Variants in CSRNP2 observed in about 807,000 individuals in gnomAD.
CSRNP2 encodes the protein cysteine/serine-rich nuclear protein 2.
Under a neutral mutation model 36.6 loss-of-function variants are expected in CSRNP2, and 11 were observed. That is an observed-to-expected ratio of 0.30 (90% CI 0.19 to 0.50). The LOEUF (loss-of-function observed/expected upper bound fraction) is 0.50. Among genes scored for constraint, CSRNP2 ranks in the 20% least tolerant of loss-of-function variants. The probability of loss-of-function intolerance (pLI) is 0.98; values close to 1 mark genes in which losing one functional copy is unlikely to be tolerated. For missense variants in CSRNP2, 483 were observed against 691.4 expected, an observed-to-expected ratio of 0.70 and a Z score of 3.38; for synonymous variants, 248 against 275.3, an observed-to-expected ratio of 0.90 and a Z score of 0.98.
At position 51,063,664 on chromosome 12, in the gene CSRNP2, C is replaced by G; in HGVS notation, c.*82G>C. 8.2e-6 allele frequency: 9 copies of G among 1,098,400 alleles called. No individual in the cohort carries two copies. Among genetic ancestry groups the G allele is most frequent in the Non-Finnish European group, 1.1e-5 (9 of 791,554 alleles). 68.0% of individuals were successfully genotyped at this position (1,098,400 alleles called of 1,614,324 possible). A position where few individuals can be genotyped will look rare whatever the true frequency, so the allele number is the denominator to read the frequency against. On this transcript the variant is annotated 3_prime_UTR_variant, in exon 5 of 5. Coordinates refer to ENST00000228515, the MANE Select transcript of CSRNP2 (RefSeq NM_030809.3). ...AATAACATGGGAGCAGCAGCTGCTT[C>G]TACAGTTTTGTTTTGAAATGGTGTT...
chr12:51,068,308 G>C (rs1348450813), intron 3 of CSRNP2, among the ~76,000 whole-genome samples: 1 of 152,096 alleles, frequency 6.6e-6, no homozygotes, highest in Non-Finnish European at 1.5e-5. Flanking sequence ...TGAGTCACCA[G>C]CCTGGCTAAT....
chr12:51,080,980 C>G (rs1294920939), intron 1 of CSRNP2, among the ~76,000 whole-genome samples: 1 of 152,130 alleles, frequency 6.6e-6, no homozygotes, highest in African/African-American at 2.4e-5. Context: ...CATAGCAAGA[C>G]CCTGTCTCTG....
rs1315787683 is a variant in CSRNP2 at position 51,073,871 on chromosome 12, A to C, written c.363T>G (p.Ile121Met). ...TCTCTTCCTTCAGGTGCTCACGCAG[A>C]ATCTCTCGATGGTTCACCTCCTGTT... ...AQEQEVNHREILREHLKEEKL... is the reference protein window; with the variant it reads ...AQEQEVNHREMLREHLKEEKL... Residue 121 changes from isoleucine to methionine, a missense_variant, in exon 3 of 5, where the codon ATT becomes ATG. Physicochemically the swap from Ile to Met is conservative, Grantham distance 10 (BLOSUM62 1). This residue lies in a region of CSRNP2 where 206 missense variants were observed against 367.8 expected (regional missense o/e 0.56). Coordinates refer to ENST00000228515, the MANE Select transcript of CSRNP2 (RefSeq NM_030809.3). The C allele has an allele frequency of 6.2e-7, 1 of 1,614,146 alleles. No individual in the cohort carries two copies. Among genetic ancestry groups the C allele is most frequent in the East Asian group, 2.2e-5 (1 of 44,874 alleles).
intron 3 of CSRNP2, among the ~76,000 whole-genome samples, 157 bp downstream of exon 3, chr12:51,073,666 C>T (rs114776573): frequency 0.026 from 3,819 of 147,564 alleles, 170 homozygotes; most frequent in African/African-American, 0.09. Context: ...GCCGAGGTTG[C>T]AGTGAGCTAA....
chr12:51,082,479 A>G (rs1372507682), intron 1 of CSRNP2: 1 of 152,226 alleles, frequency 6.6e-6, no homozygotes, highest in Non-Finnish European at 1.5e-5. Context: ...GATTTGCAAG[A>G]CAGAAAGCCA....
Position 51,067,557 on chromosome 12 carries a change from G to GTTCCACA in CSRNP2, c.708+115_708+116insTGTGGAA, listed in dbSNP as rs1272116506. 3 of 945,574 alleles carry GTTCCACA rather than the reference G, an allele frequency of 3.2e-6. No individual in the cohort carries two copies. Among genetic ancestry groups the GTTCCACA allele is most frequent in the Non-Finnish European group, 4.8e-6 (3 of 621,794 alleles). The allele number at this position is 945,574 out of a possible 1,614,324, so 58.6% of individuals were successfully genotyped here. A position where few individuals can be genotyped will look rare whatever the true frequency, so the allele number is the denominator to read the frequency against. ...CGGAGGAGGGTTGTGGAACTGGAGAGTGTTCACAACCATAGGGAATCCACC... is the reference window on the plus strand; with the variant it reads ...CGGAGGAGGGTTGTGGAACTGGAGAGTTCCACATGTTCACAACCATAGGGAATCCACC... On this transcript the variant is annotated intron_variant, in intron 4 of 4. Transcript: ENST00000228515. The surrounding 1 kb of genome is among the most constrained non-coding windows in gnomAD (Gnocchi z 4.1).
chr12:51,077,178 C>T (rs112471035), intron 1 of CSRNP2, among the ~76,000 whole-genome samples: 7 of 152,234 alleles, frequency 4.6e-5, no homozygotes, highest in South Asian at 2.1e-4. Flanking sequence ...CACCTGGGCT[C>T]GAGCAATCCT....
chr12:51,067,662 C>G lies in CSRNP2; in HGVS notation c.708+11G>C. ...GTGTAGATATACTATCTCAGGCCAACTTGGACTGACCTGGCATTTAATCCC... is the reference window on the plus strand; with the variant it reads ...GTGTAGATATACTATCTCAGGCCAAGTTGGACTGACCTGGCATTTAATCCC... On this transcript the variant is annotated intron_variant, in intron 4 of 4. Transcript: ENST00000228515. This position sits in a 1 kb window ranked among gnomAD's most constrained non-coding sequence, Gnocchi z 4.1. 6.2e-7 allele frequency: 1 copy of G among 1,611,154 alleles called. No individual in the cohort carries two copies. The highest frequency in any genetic ancestry group is 8.5e-7 in the Non-Finnish European group (1 of 1,178,100).
In CSRNP2 at chr12:51,067,134, C is replaced by T. The variant is rs79561347; in HGVS notation, c.708+539G>A. Among the ~76,000 whole-genome samples, 6,951 of 151,722 alleles carry T rather than the reference C, an allele frequency of 0.046. 333 individuals carry two copies. Among genetic ancestry groups the T allele is most frequent in the African/African-American group, 0.13 (5,196 of 41,366 alleles). On this transcript the variant is annotated intron_variant, in intron 4 of 4. Coordinates refer to ENST00000228515, the MANE Select transcript of CSRNP2 (RefSeq NM_030809.3). The surrounding 1 kb of genome is among the most constrained non-coding windows in gnomAD (Gnocchi z 4.1). ...ATGTGAGCCACCATGCCCAGTCCTG[C>T]TTCCTTTTATCTCAAGGAATCAGTA...
intron 2 of CSRNP2, among the ~76,000 whole-genome samples, chr12:51,075,602 A>T (rs1292568637): frequency 6.6e-6 from 1 of 152,240 alleles, no homozygotes; most frequent in East Asian, 1.9e-4. Flanking sequence ...TCTCTGTTGC[A>T]ATAATTCAAC....
At position 51,076,656 on chromosome 12, in the gene CSRNP2, G is replaced by T; in HGVS notation, c.-86-9C>A. ...CCAGGTACATTAGGATTCTGCCCAG[G>T]GAAAAAAAGGAATCAGCATTCCTGT... On this transcript the variant is annotated splice_polypyrimidine_tract_variant and intron_variant, in intron 1 of 4. Transcript: ENST00000228515. The T allele has an allele frequency of 7.2e-7, 1 of 1,395,514 alleles. No individual in the cohort carries two copies. The highest frequency in any genetic ancestry group is 1.0e-6 in the Non-Finnish European group (1 of 1,005,024). 86.4% of individuals were successfully genotyped at this position (1,395,514 alleles called of 1,614,324 possible).
Position 51,063,669 on chromosome 12 carries a change from G to T in CSRNP2, c.*77C>A. 8.6e-7 allele frequency: 1 copy of T among 1,156,532 alleles called. No individual in the cohort carries two copies. Among genetic ancestry groups the T allele is most frequent in the Non-Finnish European group, 1.2e-6 (1 of 843,122 alleles). 71.6% of individuals were successfully genotyped at this position (1,156,532 alleles called of 1,614,324 possible). ...CATGGGAGCAGCAGCTGCTTCTACA[G>T]TTTTGTTTTGAAATGGTGTTAGATA... is the stretch of plus-strand genomic sequence containing the variant. On this transcript the variant is annotated 3_prime_UTR_variant, in exon 5 of 5. Coordinates refer to ENST00000228515, the MANE Select transcript of CSRNP2 (RefSeq NM_030809.3).
intron 3 of CSRNP2, among the ~76,000 whole-genome samples, chr12:51,069,952 A>G (rs975678571): frequency 2.0e-5 from 3 of 152,074 alleles, no homozygotes; most frequent in African/African-American, 7.2e-5. Context: ...CGCCCGCCTC[A>G]GCCTCCCAAA....
intron 1 of CSRNP2, among the ~76,000 whole-genome samples, chr12:51,078,346 G>A (rs1281943207): frequency 6.6e-6 from 1 of 151,844 alleles, no homozygotes; most frequent in Non-Finnish European, 1.5e-5. Context: ...AGAAACCTCA[G>A]CCATCAGAAG....
intron 3 of CSRNP2, among the ~76,000 whole-genome samples, chr12:51,068,317 A>AT (rs1410119598): frequency 6.6e-6 from 1 of 151,904 alleles, no homozygotes; most frequent in Non-Finnish European, 1.5e-5. Context: ...AGCCTGGCTA[A>AT]TTTTTTCTAT....
At chr12:51,075,474 G>T (rs1206443010) in intron 2 of CSRNP2, among the ~76,000 whole-genome samples, 1 of 152,198 alleles carries the variant, frequency 6.6e-6, no homozygotes, top group African/African-American at 2.4e-5. Flanking sequence ...GGACAATGCA[G>T]ATACAGAACA....
At chr12:51,077,241 C>T (rs1288925277) in intron 1 of CSRNP2, among the ~76,000 whole-genome samples, 5 of 152,096 alleles carry the variant, frequency 3.3e-5, no homozygotes, top group South Asian at 2.1e-4. Flanking sequence ...CCACTGAACC[C>T]GGCTAGACCC....
rs374096128 is a variant in CSRNP2 at position 51,081,011 on chromosome 12, G to A, written c.-87+2328C>T. 2.3e-3 allele frequency among the ~76,000 whole-genome samples: 356 copies of A among 152,200 alleles called. 1 individual carries two copies. Among genetic ancestry groups the A allele is most frequent in the African/African-American group, 8.0e-3 (333 of 41,516 alleles). ...CTCTGTATTTTCAAAAAATTGGCCC[G>A]GCATGGTGGCACATGCCTGTAATCC... On this transcript the variant is annotated intron_variant, in intron 1 of 4. Transcript: ENST00000228515.
In CSRNP2 at chr12:51,064,541, C is replaced by T. The variant is rs774412313; in HGVS notation, c.837G>A (p.Glu279=). The change falls in exon 5 of 5, where the codon GAG becomes GAA. Residue 279 remains glutamate, a synonymous_variant. Coordinates refer to ENST00000228515, the MANE Select transcript of CSRNP2 (RefSeq NM_030809.3). ...YLHTIMKLEL[E]SKRQVSRPAA... ...CTGGGCGGCTCACCTGCCGCTTGCT[C>T]TCCAGCTCCAGCTTCATAATGGTGT... 31 of 1,613,278 alleles carry T rather than the reference C, an allele frequency of 1.9e-5. No homozygotes were observed. Among genetic ancestry groups the T allele is most frequent in the Non-Finnish European group, 2.5e-5 (29 of 1,179,668 alleles).
Sources: allele counts gnomAD v4.1 joint callset (sites outside exome capture counted in the v4.1 genomes callset), GRCh38; gene constraint gnomAD v4.1.1; regional missense constraint gnomAD v4.1.1; non-coding constraint Gnocchi (gnomAD v3.1); transcripts MANE v1.5; gene names NCBI Gene and HGNC (gene_info 2026-07-23, HGNC 2026-07-21).